Variants in AGBL1 observed in about 807,000 individuals in gnomAD.
The protein encoded by AGBL1 is AGBL carboxypeptidase 1.
AGBL1 carries 130 observed loss-of-function variants against 118.9 expected under a neutral mutation model. That is an observed-to-expected ratio of 1.09 (90% CI 0.95 to 1.26). AGBL1 has a LOEUF of 1.26. Among genes scored for constraint, AGBL1 ranks in the 50% most tolerant of loss-of-function variants. The pLI is 0.00. For synonymous variants in AGBL1, 555 were observed against 478.9 expected, an observed-to-expected ratio of 1.16 and a Z score of -2.08; for missense variants, 1,584 against 1,298.1, an observed-to-expected ratio of 1.22 and a Z score of -3.38.
chr15:87,027,025 A>G (rs973253275), intron 24 of AGBL1, among the ~76,000 whole-genome samples: 1 of 152,130 alleles, frequency 6.6e-6, no homozygotes, highest in Admixed American at 6.6e-5. Context: ...GACTACAAAT[A>G]GCGTGCAGTG....
intron 22 of AGBL1, among the ~76,000 whole-genome samples, chr15:86,809,245 C>A (rs10520640): frequency 6.6e-6 from 1 of 152,022 alleles, no homozygotes; most frequent in South Asian, 2.1e-4. Context: ...TGTAGCTCTT[C>A]TCGTTTTTCT....
In AGBL1 at chr15:87,013,950, G is replaced by C. The variant is rs79939292; in HGVS notation, c.3324-14875G>C. 1.6e-3 allele frequency among the ~76,000 whole-genome samples: 244 copies of C among 152,176 alleles called. No individual in the cohort carries two copies. In the East Asian group the frequency reaches 0.025, roughly 16 times the overall value. On this transcript the variant is annotated intron_variant, in intron 24 of 24. Coordinates refer to the AGBL1 transcript ENST00000441037. Reference sequence around the variant, plus strand: ...TAGCTGTACATCCTTCTACATCTTAGTGATCTCTGAGTGTCAGATCTCTAA... The same window carrying C: ...TAGCTGTACATCCTTCTACATCTTACTGATCTCTGAGTGTCAGATCTCTAA...
chr15:86,266,077 C>T (rs111978966), intron 11 of AGBL1, among the ~76,000 whole-genome samples: 9 of 152,306 alleles, frequency 5.9e-5, no homozygotes, highest in South Asian at 2.1e-4. Flanking sequence ...GTTCCAAAGT[C>T]CCCCAACGCA....
At chr15:86,702,965 C>G (rs954338716) in intron 22 of AGBL1, among the ~76,000 whole-genome samples, 1 of 152,070 alleles carries the variant, frequency 6.6e-6, no homozygotes, top group Non-Finnish European at 1.5e-5. Flanking sequence ...TGGGACACTT[C>G]AACTTTTAAA....
intron 17 of AGBL1, among the ~76,000 whole-genome samples, chr15:86,391,650 T>G (rs918310390): frequency 7.1e-6 from 1 of 141,238 alleles, no homozygotes; most frequent in Non-Finnish European, 1.5e-5. Context: ...GTTTTTTTTT[T>G]TTTTTTTTTT....
intron 1 of AGBL1, among the ~76,000 whole-genome samples, chr15:86,128,179 C>T (rs1216119737): frequency 6.6e-6 from 1 of 152,140 alleles, no homozygotes; most frequent in Admixed American, 6.5e-5. Flanking sequence ...GATTAATGGA[C>T]TCACAGTTCC....
intron 17 of AGBL1, among the ~76,000 whole-genome samples, chr15:86,396,856 A>T (rs905325301): frequency 1.3e-5 from 2 of 152,190 alleles, no homozygotes; most frequent in Admixed American, 6.6e-5. Context: ...GATGAAGATA[A>T]TCAATCTCAG....
In AGBL1 at chr15:86,304,734, A is replaced by G. The variant is rs545954383; in HGVS notation, c.2374+9326A>G. 2.6e-5 allele frequency among the ~76,000 whole-genome samples: 4 copies of G among 152,256 alleles called. No homozygotes were observed. In the East Asian group the frequency reaches 7.7e-4, roughly 29 times the overall value. ...TGTGCTCATAAAGCAGCTATTGGCT[A>G]TGGTCTCCACACCACTTCATTCTTT... On this transcript the variant is annotated intron_variant, in intron 17 of 22. Transcript: ENST00000614907.
At chr15:86,654,781 C>G (rs2085436070) in intron 21 of AGBL1, among the ~76,000 whole-genome samples, 1 of 152,072 alleles carries the variant, frequency 6.6e-6, no homozygotes, top group African/African-American at 2.4e-5. Context: ...ATGGGCCCTG[C>G]CTAGTCAGCC....
intron 22 of AGBL1, among the ~76,000 whole-genome samples, chr15:86,877,922 C>T (rs2079834443): frequency 6.6e-6 from 1 of 152,184 alleles, no homozygotes; most frequent in South Asian, 2.1e-4. Context: ...TCTAATGACA[C>T]ATGTCTGTGT....
At chr15:86,239,124 G>T (rs1408847568) in intron 6 of AGBL1, among the ~76,000 whole-genome samples, 3 of 152,138 alleles carry the variant, frequency 2.0e-5, no homozygotes, top group Non-Finnish European at 4.4e-5. Context: ...AAGGAGTTGA[G>T]GATTTATAAA....
chr15:86,596,402 T>C (rs1195153284), intron 21 of AGBL1, among the ~76,000 whole-genome samples: 1 of 152,208 alleles, frequency 6.6e-6, no homozygotes, highest in Non-Finnish European at 1.5e-5. Context: ...CTTATGTATA[T>C]ATAGGTTAAA....
intron 21 of AGBL1, among the ~76,000 whole-genome samples, chr15:86,595,346 C>T (rs966570918): frequency 4.6e-5 from 7 of 152,156 alleles, no homozygotes; most frequent in African/African-American, 1.7e-4. Flanking sequence ...ACTTGCTCCT[C>T]TCACCTGCTT....
At chr15:86,404,387 A>G (rs744273) in intron 18 of AGBL1, among the ~76,000 whole-genome samples, 43,967 of 151,906 alleles carry the variant, frequency 0.29, 7,171 homozygotes, top group East Asian at 0.62. Context: ...TTGTCATGGG[A>G]CTTCTGTTCT....
intron 18 of AGBL1, among the ~76,000 whole-genome samples, chr15:86,447,830 A>G (rs149650365): frequency 5.9e-4 from 90 of 152,260 alleles, no homozygotes; most frequent in African/African-American, 2.0e-3. Context: ...AAAAGAACTA[A>G]TAATATAAGG....
intron 6 of AGBL1, among the ~76,000 whole-genome samples, chr15:86,246,360 T>G (rs2078721410): frequency 6.6e-6 from 1 of 152,174 alleles, no homozygotes. Context: ...CTGGGGAGCC[T>G]GGAGGTGGCA....
chr15:86,751,108 C>T (rs933782537), intron 22 of AGBL1, among the ~76,000 whole-genome samples: 1 of 152,016 alleles, frequency 6.6e-6, no homozygotes, highest in African/African-American at 2.4e-5. Flanking sequence ...CATAAATATG[C>T]ATGTATCTTT....
At position 86,407,492 on chromosome 15, in the gene AGBL1, A is replaced by C. The variant is rs186913673; in HGVS notation, c.2555+9946A>C. Among the ~76,000 whole-genome samples, 16 of 152,252 alleles carry C rather than the reference A, an allele frequency of 1.1e-4. No individual in the cohort carries two copies. The East Asian group carries it at 2.9e-3, about 28-fold the overall frequency. ...GTCTTGTAAGTCTAGTTCTGAGTGT[A>C]CCTAATCTTTCTAAAGTCTCTTAAA... is the stretch of plus-strand genomic sequence containing the variant. On this transcript the variant is annotated intron_variant, in intron 18 of 22. Transcript: ENST00000614907.
chr15:86,700,545 G>T (rs145938474), intron 22 of AGBL1, among the ~76,000 whole-genome samples: 1 of 150,800 alleles, frequency 6.6e-6, no homozygotes, highest in African/African-American at 2.4e-5. Flanking sequence ...CTCTTGACAA[G>T]AAGTAGTTTA....
Sources: allele counts gnomAD v4.1 joint callset (sites outside exome capture counted in the v4.1 genomes callset), GRCh38; gene constraint gnomAD v4.1.1; transcripts MANE v1.5; gene names NCBI Gene and HGNC (gene_info 2026-07-23, HGNC 2026-07-21).